The following MAP4K3 variants were observed in gnomAD, a reference collection of about 807,000 sequenced individuals.
The protein encoded by MAP4K3 is MAPK/ERK kinase kinase kinase 3.
Under a neutral mutation model 143.5 loss-of-function variants are expected in MAP4K3, and 94 were observed. The ratio of observed to expected loss-of-function variants is 0.65; its 90% CI spans 0.55 to 0.78. The LOEUF is 0.78. Ranked by LOEUF, MAP4K3 falls within the 30% of genes least tolerant of loss-of-function variation. The pLI is 0.00. For synonymous variants in MAP4K3, 416 were observed against 347.2 expected (o/e 1.20, Z -2.20); for missense variants, 1,077 against 1,068.1 (o/e 1.01, Z -0.12).
Position 39,326,148 on chromosome 2 carries a change from C to A in MAP4K3, c.660G>T (p.Met220Ile). The change falls in exon 9 of 34, where the codon ATG becomes ATT. Residue 220 changes from methionine (M) to isoleucine (I), a missense_variant and splice_region_variant. Coordinates refer to ENST00000263881, the MANE Select transcript of MAP4K3 (RefSeq NM_003618.4). ...TTCTTCAATGATGATGCACTGACCT[C>A]ATTGGGTGTAAGTCAAACATAGGAG... is the stretch of plus-strand genomic sequence containing the variant. ...LQPPMFDLHP[M>I]RALFLMTKSN... 1 of 1,613,170 alleles carries A rather than the reference C, an allele frequency of 6.2e-7. No homozygotes were observed. The highest frequency in any genetic ancestry group is 8.5e-7 in the Non-Finnish European group (1 of 1,179,676).
chr2:39,423,374 T>TA (rs1664953186), intron 1 of MAP4K3, among the ~76,000 whole-genome samples: 3 of 152,194 alleles, frequency 2.0e-5, no homozygotes, highest in Non-Finnish European at 4.4e-5. Flanking sequence ...CTTATAGAGC[T>TA]AAAAGCAGTC....
intron 14 of MAP4K3, among the ~76,000 whole-genome samples, chr2:39,308,418 T>A (rs79181606): frequency 5.5e-4 from 84 of 152,300 alleles, no homozygotes; most frequent in African/African-American, 2.0e-3. Context: ...ACTGGTACAC[T>A]GAATTAGAGT....
At chr2:39,332,448 C>G (rs540958532) in intron 7 of MAP4K3, among the ~76,000 whole-genome samples, 2 of 152,044 alleles carry the variant, frequency 1.3e-5, no homozygotes, top group South Asian at 4.1e-4. Context: ...AAAAGACATC[C>G]AATCAGAATA....
chr2:39,406,324 G>A (rs1207595749), intron 1 of MAP4K3, among the ~76,000 whole-genome samples: 1 of 152,038 alleles, frequency 6.6e-6, no homozygotes, highest in Admixed American at 6.6e-5. Flanking sequence ...GTATTCAAAG[G>A]GATAAGCAGA....
chr2:39,325,426 A>T (rs1325101907), intron 12 of MAP4K3, 92 bp downstream of exon 12: 8 of 754,550 alleles, frequency 1.1e-5, no homozygotes, highest in Admixed American at 2.8e-5. Flanking sequence ...CCCCAAAATT[A>T]AAAAAATGGA....
chr2:39,418,132 G>A (rs1366388640), intron 1 of MAP4K3, among the ~76,000 whole-genome samples: 10 of 151,332 alleles, frequency 6.6e-5, no homozygotes, highest in Admixed American at 6.6e-4. Flanking sequence ...GAACCCAGGA[G>A]GCAGAAGGTT....
chr2:39,372,322 T>G (rs778405160), intron 2 of MAP4K3, among the ~76,000 whole-genome samples: 36 of 151,986 alleles, frequency 2.4e-4, no homozygotes, highest in Non-Finnish European at 4.6e-4. Flanking sequence ...TCCATGTTCA[T>G]GGACTGGAAG....
At chr2:39,435,705 T>C (rs1665443626) in intron 1 of MAP4K3, among the ~76,000 whole-genome samples, 1 of 152,244 alleles carries the variant, frequency 6.6e-6, no homozygotes, top group South Asian at 2.1e-4. Context: ...ACCAAGTCTA[T>C]CGTTTACTGC....
chr2:39,390,934 G>A (rs982109118), intron 1 of MAP4K3, among the ~76,000 whole-genome samples: 1 of 152,152 alleles, frequency 6.6e-6, no homozygotes, highest in Admixed American at 6.5e-5. Flanking sequence ...TACATCTCTT[G>A]AGTAATGACC....
At chr2:39,303,659 C>T (rs1682591701) in intron 15 of MAP4K3, among the ~76,000 whole-genome samples, 1 of 152,184 alleles carries the variant, frequency 6.6e-6, no homozygotes, top group Admixed American at 6.5e-5. Flanking sequence ...CTGCCTCAGC[C>T]TTCCAAGTAG....
chr2:39,292,409 A>G (rs1217094939), intron 18 of MAP4K3, among the ~76,000 whole-genome samples: 7 of 152,160 alleles, frequency 4.6e-5, no homozygotes, highest in Non-Finnish European at 5.9e-5. Flanking sequence ...CGAGAGAGAG[A>G]GATCACTCTT....
chr2:39,343,301 A>G, intron 4 of MAP4K3, 87 bp downstream of exon 4: 1 of 881,436 alleles, frequency 1.1e-6, no homozygotes, highest in Non-Finnish European at 1.8e-6. Flanking sequence ...TGCTTTCCTT[A>G]AGATAATGTT....
At chr2:39,263,760 C>T (rs974782769) in intron 28 of MAP4K3, among the ~76,000 whole-genome samples, 1 of 152,052 alleles carries the variant, frequency 6.6e-6, no homozygotes, top group Non-Finnish European at 1.5e-5. Context: ...GGTAAGAGGC[C>T]TCATTAGAGC....
intron 28 of MAP4K3, 169 bp from the exon 29 acceptor site, chr2:39,260,946 T>C (rs1461136080): frequency 1.8e-6 from 1 of 548,348 alleles, no homozygotes; most frequent in African/African-American, 1.9e-5. Flanking sequence ...ATTTTAGGTT[T>C]ACCACCGCAA....
intron 2 of MAP4K3, among the ~76,000 whole-genome samples, chr2:39,375,629 T>C (rs1262073575): frequency 6.6e-6 from 1 of 152,252 alleles, no homozygotes; most frequent in Non-Finnish European, 1.5e-5. Flanking sequence ...TATTAAGGCA[T>C]ACGTTTAAAT....
At chr2:39,260,489 A>C (rs1231359558) in intron 29 of MAP4K3, 117 bp downstream of exon 29, 3 of 740,880 alleles carry the variant, frequency 4.0e-6, no homozygotes, top group Non-Finnish European at 6.6e-6. Flanking sequence ...CAGTTTAATA[A>C]TAGTTATTGA....
chr2:39,296,832 G>C (rs1474396813), intron 16 of MAP4K3, among the ~76,000 whole-genome samples: 2 of 152,152 alleles, frequency 1.3e-5, no homozygotes, highest in Non-Finnish European at 2.9e-5. Flanking sequence ...TATTTACTAA[G>C]TCCTAAATGT....
intron 21 of MAP4K3, among the ~76,000 whole-genome samples, chr2:39,286,087 C>T (rs768721427): frequency 2.6e-5 from 4 of 152,184 alleles, no homozygotes; most frequent in Middle Eastern, 3.2e-3. Flanking sequence ...CCAACCTTTT[C>T]GGCATCAGGG....
chr2:39,392,183 C>CAAAAAAAAAAA lies in MAP4K3; in HGVS notation c.97-14071_97-14061dup, dbSNP rs3086434. On this transcript the variant is annotated intron_variant, in intron 1 of 33. Coordinates refer to ENST00000263881, the MANE Select transcript of MAP4K3 (RefSeq NM_003618.4). ...CTGGCAACAGAACGACACTCCTACT[C>CAAAAAAAAAAA]AAAAAAAAAAAAAAAAAAAAAATTA... Among the ~76,000 whole-genome samples, 47 of 69,032 alleles carry CAAAAAAAAAAA rather than the reference C, an allele frequency of 6.8e-4. 2 individuals carry two copies. Among genetic ancestry groups the CAAAAAAAAAAA allele is most frequent in the African/African-American group, 2.2e-3 (38 of 17,424 alleles). The allele number at this position is 69,032 out of a possible 152,430, so 45.3% of individuals were successfully genotyped here.
Sources: gnomAD v4.1 joint callset for allele counts (sites outside exome capture counted in the v4.1 genomes callset) on GRCh38, gnomAD v4.1.1 for gene constraint, MANE v1.5 for transcripts, NCBI Gene and HGNC (gene_info 2026-07-23, HGNC 2026-07-21) for gene names.